The following WDR41 variants were observed in gnomAD, a reference collection of about 807,000 sequenced individuals.
WDR41 encodes WD repeat domain 41.
Under a neutral mutation model 69.3 loss-of-function variants are expected in WDR41, and 63 were observed. That is an observed-to-expected ratio of 0.91 (90% CI 0.74 to 1.12). The LOEUF (loss-of-function observed/expected upper bound fraction) is 1.12. Ranked by LOEUF, WDR41 falls within the 50% of genes most tolerant of loss-of-function variation. The pLI, the probability that WDR41 is intolerant of heterozygous loss-of-function variation, is 0.00. For missense variants in WDR41, 543 were observed against 534.5 expected (o/e 1.02, Z -0.16); for synonymous variants, 185 against 192.1 (o/e 0.96, Z 0.31).
intron 12 of WDR41, 141 bp downstream of exon 12, chr5:77,436,120 T>C: frequency 9.0e-7 from 1 of 1,107,178 alleles, no homozygotes; most frequent in Non-Finnish European, 1.3e-6. Flanking sequence ...TACTATAGCC[T>C]ATCCCATTCC....
rs557297821 is a variant in WDR41, at chr5:77,558,103, A to C, written c.42+62376T>G. Among the ~76,000 whole-genome samples the C allele has an allele frequency of 3.9e-3, 580 of 149,948 alleles. 10 individuals are homozygous for C. Among genetic ancestry groups the C allele is most frequent in the African/African-American group, 0.014 (562 of 40,870 alleles). On this transcript the variant is annotated intron_variant, in intron 1 of 5. Transcript: ENST00000509971. Reference sequence around the variant, plus strand: ...CTTCAAATGTTCTTTTTAAAAAAAAAAAAAAAAAAAAAACAAAACAGGAGT... The same window carrying C: ...CTTCAAATGTTCTTTTTAAAAAAAACAAAAAAAAAAAAACAAAACAGGAGT...
At chr5:77,597,134 G>T (rs1226450032) in intron 1 of WDR41, among the ~76,000 whole-genome samples, 1 of 150,902 alleles carries the variant, frequency 6.6e-6, no homozygotes, top group Non-Finnish European at 1.5e-5. Flanking sequence ...AAAAAAAGAA[G>T]AAAAAGAAAA....
chr5:77,461,620 G>T (rs905781160), intron 4 of WDR41, among the ~76,000 whole-genome samples: 2 of 152,090 alleles, frequency 1.3e-5, no homozygotes, highest in African/African-American at 4.8e-5. Flanking sequence ...GGCAGATCAC[G>T]AAGTCAGGAG....
At chr5:77,513,700 A>G (rs1802244455) in intron 1 of WDR41, among the ~76,000 whole-genome samples, 1 of 152,156 alleles carries the variant, frequency 6.6e-6, no homozygotes, top group African/African-American at 2.4e-5. Flanking sequence ...TAACCGAACA[A>G]TTTCCAAAAA....
chr5:77,569,633 T>G (rs1478248849), intron 1 of WDR41, among the ~76,000 whole-genome samples: 3 of 152,222 alleles, frequency 2.0e-5, no homozygotes, highest in Non-Finnish European at 4.4e-5. Flanking sequence ...AGTAGAATGA[T>G]TGCATCACTA....
intron 8 of WDR41, among the ~76,000 whole-genome samples, chr5:77,444,361 A>C (rs1025130270): frequency 1.3e-5 from 2 of 152,208 alleles, no homozygotes; most frequent in Admixed American, 1.3e-4. Flanking sequence ...CCTCACAAGT[A>C]CTAGTACTTC....
chr5:77,594,207 T>C (rs1744179213), intron 1 of WDR41, among the ~76,000 whole-genome samples: 1 of 136,572 alleles, frequency 7.3e-6, no homozygotes. Context: ...CAGGTGGGAA[T>C]TGAACAATGA....
At chr5:77,582,470 G>T in intron 1 of WDR41, 4 of 1,602,202 alleles carry the variant, frequency 2.5e-6, no homozygotes, top group Non-Finnish European at 3.4e-6. Flanking sequence ...AAGATCAAGC[G>T]CCTGAGAAAG....
chr5:77,476,103 G>A (rs1418699565), intron 2 of WDR41, among the ~76,000 whole-genome samples: 8 of 141,796 alleles, frequency 5.6e-5, no homozygotes, highest in African/African-American at 8.2e-5. Flanking sequence ...GAAATGAAGC[G>A]AGAAGGGAAG....
chr5:77,568,327 A>T (rs1580014035), intron 1 of WDR41, among the ~76,000 whole-genome samples: 1 of 152,198 alleles, frequency 6.6e-6, no homozygotes, highest in Non-Finnish European at 1.5e-5. Context: ...ATTCAAGAAC[A>T]GTTCCCCTTT....
At chr5:77,538,450 T>C (rs1367292502) in intron 1 of WDR41, among the ~76,000 whole-genome samples, 1 of 152,184 alleles carries the variant, frequency 6.6e-6, no homozygotes, top group Non-Finnish European at 1.5e-5. Context: ...CCCTTGCCTC[T>C]CTTCTTCCCT....
At chr5:77,492,874 A>G (rs948718554), upstream of WDR41, among the ~76,000 whole-genome samples, 2 of 152,242 alleles carry the variant, frequency 1.3e-5, no homozygotes, top group African/African-American at 4.8e-5. Context: ...TTACACATCA[A>G]GAAACTAAAG....
intron 1 of WDR41, among the ~76,000 whole-genome samples, chr5:77,601,767 C>A (rs1260639798): frequency 6.6e-6 from 1 of 152,212 alleles, no homozygotes; most frequent in African/African-American, 2.4e-5. Context: ...AATTCCTCCC[C>A]AGTTCCTTTT....
At chr5:77,458,059 C>G (rs1316577534) in intron 5 of WDR41, among the ~76,000 whole-genome samples, 1 of 151,964 alleles carries the variant, frequency 6.6e-6, no homozygotes, top group Non-Finnish European at 1.5e-5. Flanking sequence ...ACTTAACGAC[C>G]TTAGTTTTTC....
At chr5:77,451,412 A>G in intron 6 of WDR41, 59 bp from the exon 7 acceptor site, 2 of 1,501,974 alleles carry the variant, frequency 1.3e-6, no homozygotes, top group Non-Finnish European at 1.8e-6. Context: ...TATCAAAAAC[A>G]AAAACATTCT....
intron 2 of WDR41, among the ~76,000 whole-genome samples, chr5:77,478,953 A>T (rs1801096486): frequency 6.6e-6 from 1 of 151,778 alleles, no homozygotes; most frequent in Admixed American, 6.6e-5. Flanking sequence ...AAATCTCCTT[A>T]AGCTGATAAG....
chr5:77,474,210 T>G (rs1038690319), intron 2 of WDR41, among the ~76,000 whole-genome samples: 4 of 151,900 alleles, frequency 2.6e-5, no homozygotes, highest in African/African-American at 9.7e-5. Context: ...CCGCATGTTC[T>G]CACTCATAGG....
rs532183287 is a variant in WDR41 at position 77,569,424 on chromosome 5, G to A, written c.42+51055C>T. ...TTTTATAATATTCATTAAATGCTGT[G>A]AGTATTGTTTGTATTTTTCATTTAT... On this transcript the variant is annotated intron_variant, in intron 1 of 5. Transcript: ENST00000509971. Among the ~76,000 whole-genome samples, 13 of 152,094 alleles carry A rather than the reference G, an allele frequency of 8.5e-5. No individual in the cohort carries two copies. The South Asian group carries it at 1.5e-3, about 17-fold the overall frequency.
intron 1 of WDR41, among the ~76,000 whole-genome samples, chr5:77,610,567 T>C (rs1478692666): frequency 6.6e-6 from 1 of 151,306 alleles, no homozygotes; most frequent in Admixed American, 6.6e-5. Flanking sequence ...GCTTCATAAG[T>C]GAAGGAGAAA....
Sources: gnomAD v4.1 joint callset for allele counts (sites outside exome capture counted in the v4.1 genomes callset) on GRCh38, gnomAD v4.1.1 for gene constraint, MANE v1.5 for transcripts, NCBI Gene and HGNC (gene_info 2026-07-23, HGNC 2026-07-21) for gene names.